SHQ1: variants seen among roughly 807,000 people sequenced by gnomAD.
SHQ1 encodes SHQ1, H/ACA ribonucleoprotein assembly factor.
Under a neutral mutation model 53.8 loss-of-function variants are expected in SHQ1, and 49 were observed. The observed-to-expected ratio is 0.91, with a 90% confidence interval of 0.72 to 1.16. SHQ1 has a LOEUF of 1.16. Ranked by LOEUF, SHQ1 falls within the 50% of genes most tolerant of loss-of-function variation. SHQ1 has a pLI of 0.00. For synonymous variants in SHQ1, 243 were observed against 251.0 expected, an observed-to-expected ratio of 0.97 and a Z score of 0.30; for missense variants, 738 against 683.1, an observed-to-expected ratio of 1.08 and a Z score of -0.90.
chr3:72,749,035 C>T (rs1705312767), downstream of SHQ1, among the ~76,000 whole-genome samples: 1 of 151,988 alleles, frequency 6.6e-6, no homozygotes, highest in Non-Finnish European at 1.5e-5. Context: ...CACAACAAAA[C>T]ACCACTATCC....
the SHQ1 span, among the ~76,000 whole-genome samples, chr3:72,729,058 A>G: frequency 4.7e-4 from 71 of 152,356 alleles, 1 homozygote; most frequent in East Asian, 0.013. Flanking sequence ...GTTGGGCACG[A>G]AAAACAACTC....
At chr3:72,795,760 T>C (rs1027843958) in intron 9 of SHQ1, among the ~76,000 whole-genome samples, 2 of 152,210 alleles carry the variant, frequency 1.3e-5, no homozygotes, top group African/African-American at 4.8e-5. Context: ...ACCTCCAGAA[T>C]ACTCTCTCTC....
chr3:72,785,318 G>A (rs911460854), intron 10 of SHQ1, among the ~76,000 whole-genome samples: 2 of 152,202 alleles, frequency 1.3e-5, no homozygotes, highest in African/African-American at 2.4e-5. Context: ...TGCTGTAAAA[G>A]TCTGAGTGAG....
At chr3:72,812,540 A>T in intron 9 of SHQ1, 131 bp downstream of exon 9, 1 of 950,910 alleles carries the variant, frequency 1.1e-6, no homozygotes, top group Non-Finnish European at 1.6e-6. Context: ...TCTATACTTT[A>T]AAAGTGGTTG....
chr3:72,816,432 C>T (rs895788302), intron 7 of SHQ1, among the ~76,000 whole-genome samples: 1 of 152,108 alleles, frequency 6.6e-6, no homozygotes, highest in East Asian at 1.9e-4. Flanking sequence ...AAAAGGAAAG[C>T]TATGCTCAGA....
chr3:72,781,864 T>C (rs1237897135), intron 10 of SHQ1, among the ~76,000 whole-genome samples: 1 of 152,202 alleles, frequency 6.6e-6, no homozygotes, highest in Non-Finnish European at 1.5e-5. Flanking sequence ...GAAGCTTAAT[T>C]TCATTCTCAA....
intron 2 of SHQ1, among the ~76,000 whole-genome samples, chr3:72,844,151 T>C (rs985266976): frequency 4.6e-5 from 7 of 152,160 alleles, no homozygotes; most frequent in Admixed American, 4.6e-4. Context: ...AACTTTACTT[T>C]GAAGAACATT....
At chr3:72,739,875 G>A in the SHQ1 span, among the ~76,000 whole-genome samples, 4 of 152,230 alleles carry the variant, frequency 2.6e-5, no homozygotes, top group African/African-American at 9.6e-5. Flanking sequence ...GAGGATGGGA[G>A]TCACTCACTG....
intron 9 of SHQ1, among the ~76,000 whole-genome samples, chr3:72,802,156 T>A (rs1706807970): frequency 1.3e-5 from 2 of 152,202 alleles, no homozygotes; most frequent in East Asian, 3.8e-4. Flanking sequence ...GGACAACGGG[T>A]AGTATGGATC....
intron 9 of SHQ1, among the ~76,000 whole-genome samples, chr3:72,800,746 C>A (rs1706761962): frequency 6.6e-6 from 1 of 152,198 alleles, no homozygotes; most frequent in African/African-American, 2.4e-5. Flanking sequence ...TATAACATCT[C>A]TGTGGTCTAC....
intron 5 of SHQ1, among the ~76,000 whole-genome samples, chr3:72,831,746 T>C (rs1243727927): frequency 6.6e-6 from 1 of 152,258 alleles, no homozygotes; most frequent in Non-Finnish European, 1.5e-5. Context: ...AGTCATCATG[T>C]ACCTATCTGT....
At chr3:72,777,384 A>G (rs1305443744) in intron 10 of SHQ1, among the ~76,000 whole-genome samples, 2 of 152,264 alleles carry the variant, frequency 1.3e-5, no homozygotes, top group Non-Finnish European at 2.9e-5. Flanking sequence ...AACAGGGGAT[A>G]CAATAGACAG....
At chr3:72,835,016 A>C (rs535640849) in intron 4 of SHQ1, among the ~76,000 whole-genome samples, 4 of 152,114 alleles carry the variant, frequency 2.6e-5, no homozygotes, top group Non-Finnish European at 5.9e-5. Flanking sequence ...TAGAGGTTCT[A>C]GGAGAGATTG....
At chr3:72,761,294 AC>A (rs1705604076) in intron 10 of SHQ1, among the ~76,000 whole-genome samples, 1 of 151,996 alleles carries the variant, frequency 6.6e-6, no homozygotes, top group South Asian at 2.1e-4. Context: ...ACTTCAGCCT[AC>A]CAAGTAGCCA....
chr3:72,752,312 C>T (rs1575672872), intron 10 of SHQ1, among the ~76,000 whole-genome samples: 1 of 152,138 alleles, frequency 6.6e-6, no homozygotes, highest in Non-Finnish European at 1.5e-5. Flanking sequence ...TCCAAAGTCA[C>T]AGAAAACAGT....
At chr3:72,811,379 T>A (rs560377247) in intron 9 of SHQ1, among the ~76,000 whole-genome samples, 1 of 152,236 alleles carries the variant, frequency 6.6e-6, no homozygotes, top group Non-Finnish European at 1.5e-5. Flanking sequence ...CAGTCATTTA[T>A]AGTAGATTGA....
intron 10 of SHQ1, among the ~76,000 whole-genome samples, chr3:72,752,652 G>A (rs1445759281): frequency 1.3e-5 from 2 of 151,666 alleles, no homozygotes; most frequent in African/African-American, 2.4e-5. Context: ...TCAGCATCCC[G>A]AGTAGCTTGG....
chr3:72,773,445 G>A (rs1246070923), intron 10 of SHQ1: 2 of 377,140 alleles, frequency 5.3e-6, no homozygotes, highest in East Asian at 1.4e-4. Flanking sequence ...CAAAATCGGA[G>A]TGATCAGAGT....
chr3:72,778,471 A>T (rs1048742791), intron 10 of SHQ1, among the ~76,000 whole-genome samples: 1 of 151,810 alleles, frequency 6.6e-6, no homozygotes, highest in Non-Finnish European at 1.5e-5. Flanking sequence ...AAAAGAAAAG[A>T]AAAGAAAAAA....
Sources: gnomAD v4.1 joint callset for allele counts (sites outside exome capture counted in the v4.1 genomes callset) on GRCh38, gnomAD v4.1.1 for gene constraint, MANE v1.5 for transcripts, NCBI Gene and HGNC (gene_info 2026-07-23, HGNC 2026-07-21) for gene names.